SPIDR: variants seen among roughly 807,000 people sequenced by gnomAD.
The protein encoded by SPIDR is scaffold protein involved in DNA repair.
Under a neutral mutation model 104.6 loss-of-function variants are expected in SPIDR, and 93 were observed. That is an observed-to-expected ratio of 0.89 (90% CI 0.75 to 1.06). The LOEUF is 1.06. Among genes scored for constraint, SPIDR ranks in the 50% least tolerant of loss-of-function variants. The pLI is 0.00. For missense variants in SPIDR, 1,154 were observed against 1,111.2 expected (o/e 1.04, Z -0.55); for synonymous variants, 431 against 416.9 (o/e 1.03, Z -0.41).
intron 5 of SPIDR, among the ~76,000 whole-genome samples, chr8:47,328,417 A>ATTT (rs782106826): frequency 7.4e-6 from 1 of 135,032 alleles, no homozygotes. Flanking sequence ...CTGGCTAATT[A>ATTT]TTTTTTTTTT....
intron 10 of SPIDR, among the ~76,000 whole-genome samples, chr8:47,671,161 C>T (rs1199812257): frequency 6.6e-6 from 1 of 152,182 alleles, no homozygotes; most frequent in African/African-American, 2.4e-5. Context: ...CCTCTCGCCT[C>T]AGCCTCCCAA....
At position 47,736,108 on chromosome 8, in the gene SPIDR, A is replaced by T. The variant is rs1284422408; in HGVS notation, c.*658A>T. 1.9e-5 allele frequency: 3 copies of T among 154,778 alleles called. No homozygotes were observed. Among genetic ancestry groups the T allele is most frequent in the African/African-American group, 4.8e-5 (2 of 41,470 alleles). 9.6% of individuals were successfully genotyped at this position (154,778 alleles called of 1,614,324 possible). ...TGTGCACGGAGAGCAAAGATCACAG[A>T]CTAAGGAGCAGTCAGTCGGATATTT... On this transcript the variant is annotated 3_prime_UTR_variant, in exon 20 of 20. Coordinates refer to ENST00000297423, the MANE Select transcript of SPIDR (RefSeq NM_001080394.4).
intron 17 of SPIDR, 157 bp from the exon 18 acceptor site, chr8:47,728,776 C>A: frequency 2.7e-6 from 2 of 754,602 alleles, no homozygotes; most frequent in Non-Finnish European, 4.2e-6. Flanking sequence ...AGGCTGAGTC[C>A]AGGCAGCTGC....
chr8:47,398,558 A>T (rs962307700), intron 6 of SPIDR, among the ~76,000 whole-genome samples: 5 of 152,314 alleles, frequency 3.3e-5, no homozygotes, highest in Middle Eastern at 3.4e-3. Context: ...TGGAGTGTGC[A>T]GTGGAGCAGG....
At chr8:47,502,364 C>T (rs956189246) in intron 8 of SPIDR, among the ~76,000 whole-genome samples, 1 of 152,120 alleles carries the variant, frequency 6.6e-6, no homozygotes, top group African/African-American at 2.4e-5. Flanking sequence ...CTGGTTTAGT[C>T]TTGGGAGGGT....
chr8:47,631,527 G>T (rs912088748), intron 10 of SPIDR, among the ~76,000 whole-genome samples: 3 of 152,178 alleles, frequency 2.0e-5, no homozygotes, highest in Non-Finnish European at 4.4e-5. Context: ...AAAAGTACTG[G>T]ATTTATGATT....
chr8:47,633,506 A>G (rs2067383340), intron 10 of SPIDR, among the ~76,000 whole-genome samples: 1 of 150,836 alleles, frequency 6.6e-6, no homozygotes, highest in Admixed American at 6.6e-5. Context: ...GTATAAGAGG[A>G]TATGGAAAGA....
intron 11 of SPIDR, among the ~76,000 whole-genome samples, chr8:47,687,774 A>G (rs372174924): frequency 2.6e-5 from 4 of 152,126 alleles, no homozygotes; most frequent in African/African-American, 9.7e-5. Flanking sequence ...CTTTAGAAAT[A>G]TATTTAGGCT....
chr8:47,609,485 T>A (rs2063360008), intron 10 of SPIDR, among the ~76,000 whole-genome samples: 1 of 152,192 alleles, frequency 6.6e-6, no homozygotes, highest in Admixed American at 6.5e-5. Context: ...CTAGTAGTAG[T>A]CTTTATATTT....
chr8:47,555,054 T>A (rs918795089), intron 8 of SPIDR, among the ~76,000 whole-genome samples: 1 of 152,170 alleles, frequency 6.6e-6, no homozygotes, highest in Admixed American at 6.5e-5. Flanking sequence ...AGAGTACTTA[T>A]GAGTAAACAA....
chr8:47,605,448 T>C (rs2062816525), intron 10 of SPIDR, among the ~76,000 whole-genome samples: 1 of 152,174 alleles, frequency 6.6e-6, no homozygotes, highest in Admixed American at 6.5e-5. Flanking sequence ...TGTTGATGCA[T>C]ACGAGGATGA....
intron 8 of SPIDR, among the ~76,000 whole-genome samples, chr8:47,532,813 A>G (rs1248063071): frequency 6.6e-6 from 1 of 152,256 alleles, no homozygotes; most frequent in Non-Finnish European, 1.5e-5. Context: ...ACTTCATTCA[A>G]CAGCAGCAGA....
At chr8:47,690,880 T>G (rs1234696432) in intron 11 of SPIDR, among the ~76,000 whole-genome samples, 1 of 152,192 alleles carries the variant, frequency 6.6e-6, no homozygotes, top group African/African-American at 2.4e-5. Context: ...GTTACAAATT[T>G]ATCTTATATA....
At chr8:47,345,543 T>C (rs1206257640) in intron 5 of SPIDR, among the ~76,000 whole-genome samples, 1 of 152,192 alleles carries the variant, frequency 6.6e-6, no homozygotes, top group Non-Finnish European at 1.5e-5. Context: ...AATCTATAAA[T>C]TACCTTGGGC....
Position 47,621,198 on chromosome 8 carries a change from G to A in SPIDR, c.1544+22002G>A, listed in dbSNP as rs183862363. Among the ~76,000 whole-genome samples the A allele has an allele frequency of 3.0e-4, 46 of 151,584 alleles. No individual in the cohort carries two copies. The South Asian group carries it at 5.8e-3, about 19-fold the overall frequency. On this transcript the variant is annotated intron_variant, in intron 10 of 19. Coordinates refer to ENST00000297423, the MANE Select transcript of SPIDR (RefSeq NM_001080394.4). ...TCTCGATCTCCTGACCTTGTGATCC[G>A]CCCACCTTGGCCTCCCAAAGTGCTG...
intron 5 of SPIDR, among the ~76,000 whole-genome samples, chr8:47,347,385 A>G (rs1304420261): frequency 6.6e-6 from 1 of 152,070 alleles, no homozygotes; most frequent in Non-Finnish European, 1.5e-5. Flanking sequence ...TGAATTTTGG[A>G]ATAAGTGTGA....
intron 7 of SPIDR, among the ~76,000 whole-genome samples, chr8:47,430,722 G>A (rs782064527): frequency 2.0e-5 from 3 of 152,118 alleles, no homozygotes; most frequent in Admixed American, 6.6e-5. Context: ...TTGTTTCTCA[G>A]TTGATGCCAC....
chr8:47,300,004 T>A (rs1370572229), intron 5 of SPIDR, among the ~76,000 whole-genome samples: 3 of 152,228 alleles, frequency 2.0e-5, no homozygotes, highest in Non-Finnish European at 4.4e-5. Flanking sequence ...TTCTATTCAT[T>A]GGAATAGTTT....
intron 8 of SPIDR, among the ~76,000 whole-genome samples, chr8:47,452,427 C>T (rs575245776): frequency 3.9e-5 from 6 of 152,140 alleles, no homozygotes; most frequent in Non-Finnish European, 7.3e-5. Context: ...AATTTTAGAC[C>T]AATATCCCTG....
Sources: gnomAD v4.1 joint callset for allele counts (sites outside exome capture counted in the v4.1 genomes callset) on GRCh38, gnomAD v4.1.1 for gene constraint, MANE v1.5 for transcripts, NCBI Gene and HGNC (gene_info 2026-07-23, HGNC 2026-07-21) for gene names.